IQCM: variants seen among roughly 807,000 people sequenced by gnomAD.
IQCM encodes IQ motif containing M.
IQCM carries 45 observed loss-of-function variants against 57.6 expected under a neutral mutation model. The observed-to-expected ratio is 0.78, with a 90% confidence interval of 0.62 to 1.00. The LOEUF (loss-of-function observed/expected upper bound fraction) is 1.00. Among genes scored for constraint, IQCM ranks in the 50% least tolerant of loss-of-function variants. IQCM has a pLI of 0.00. For synonymous variants in IQCM, 148 were observed against 158.9 expected (o/e 0.93, Z 0.51); for missense variants, 468 against 511.6 (o/e 0.91, Z 0.82).
intron 5 of IQCM, among the ~76,000 whole-genome samples, chr4:149,728,468 T>C (rs1766159917): frequency 6.6e-6 from 1 of 152,216 alleles, no homozygotes; most frequent in Admixed American, 6.5e-5. Context: ...CTTTGTATAT[T>C]TACTGAATAT....
intron 13 of IQCM, among the ~76,000 whole-genome samples, chr4:149,358,418 T>C (rs1054999325): frequency 2.0e-5 from 3 of 152,226 alleles, no homozygotes; most frequent in Admixed American, 6.5e-5. Flanking sequence ...CTGCTTTGAA[T>C]GTGTCCCATA....
At chr4:149,452,233 CA>C (rs999079254) in intron 12 of IQCM, among the ~76,000 whole-genome samples, 1 of 151,320 alleles carries the variant, frequency 6.6e-6, no homozygotes, top group Non-Finnish European at 1.5e-5. Flanking sequence ...ATACATTTAT[CA>C]AAATACTCAA....
intron 5 of IQCM, among the ~76,000 whole-genome samples, chr4:149,688,745 T>C (rs773902778): frequency 6.6e-6 from 1 of 151,892 alleles, no homozygotes; most frequent in Non-Finnish European, 1.5e-5. Flanking sequence ...GGTACTGGTA[T>C]AAAAATAGGC....
intron 11 of IQCM, among the ~76,000 whole-genome samples, chr4:149,549,965 CTATT>C (rs1381044404): frequency 2.0e-5 from 3 of 152,200 alleles, no homozygotes; most frequent in African/African-American, 7.2e-5. Context: ...GTATTTATGG[CTATT>C]TGTCTCTTTT....
rs1428700825 is a variant in IQCM, at chr4:149,404,169, A to G, written c.1390+29227T>C. ...CACATGTTCTTCGATACACCTTGCA[A>G]CATTGTTCAGATTCACTCAGGTATG... On this transcript the variant is annotated intron_variant, in intron 13 of 13. Coordinates refer to ENST00000636793, the MANE Select transcript of IQCM (RefSeq NM_001363507.2). 1.1e-4 allele frequency among the ~76,000 whole-genome samples: 17 copies of G among 152,044 alleles called. 1 individual carries two copies. The highest frequency in any genetic ancestry group is 1.1e-3 in the Admixed American group (16 of 15,226).
At chr4:149,529,993 C>A (rs1746570764) in intron 12 of IQCM, among the ~76,000 whole-genome samples, 1 of 152,190 alleles carries the variant, frequency 6.6e-6, no homozygotes, top group African/African-American at 2.4e-5. Flanking sequence ...TCCAGCTACA[C>A]TGGCTTTCTT....
chr4:149,541,947 C>A (rs1489078703), intron 12 of IQCM, among the ~76,000 whole-genome samples: 1 of 152,046 alleles, frequency 6.6e-6, no homozygotes, highest in Non-Finnish European at 1.5e-5. Flanking sequence ...TCAAAGAAGT[C>A]AGTATGAATG....
At chr4:149,353,267 C>CA (rs976638920) in intron 13 of IQCM, among the ~76,000 whole-genome samples, 1 of 152,082 alleles carries the variant, frequency 6.6e-6, no homozygotes, top group African/African-American at 2.4e-5. Flanking sequence ...TGGCTATTAT[C>CA]AAAAAGTCTA....
At chr4:149,641,380 A>T (rs541529053) in intron 7 of IQCM, among the ~76,000 whole-genome samples, 153 of 152,308 alleles carry the variant, frequency 1.0e-3, no homozygotes, top group Middle Eastern at 6.8e-3. Flanking sequence ...AACACTGAAA[A>T]TGAAGAAAAA....
chr4:149,379,398 T>C (rs1191765505), intron 13 of IQCM, among the ~76,000 whole-genome samples: 1 of 152,120 alleles, frequency 6.6e-6, no homozygotes, highest in Non-Finnish European at 1.5e-5. Flanking sequence ...AGAGAGGCTG[T>C]ACCCCACAAA....
In IQCM at chr4:149,440,926, G is replaced by A. The variant is rs116148662; in HGVS notation, c.1229-7369C>T. Among the ~76,000 whole-genome samples the A allele has an allele frequency of 1.7e-3, 257 of 151,898 alleles. 1 individual carries two copies. The highest frequency in any genetic ancestry group is 8.5e-3 in the East Asian group (44 of 5,162). On this transcript the variant is annotated intron_variant, in intron 12 of 13. Coordinates refer to ENST00000636793, the MANE Select transcript of IQCM (RefSeq NM_001363507.2). ...GTTAAGATTATTTTAAATTCTTTCCGAAACATGATTGGATACAAATCAATT... is the reference window on the plus strand; with the variant it reads ...GTTAAGATTATTTTAAATTCTTTCCAAAACATGATTGGATACAAATCAATT...
At position 149,657,955 on chromosome 4, in the gene IQCM, T is replaced by A. The variant is rs573582177; in HGVS notation, c.565+24163A>T. Among the ~76,000 whole-genome samples, 3 of 152,092 alleles carry A rather than the reference T, an allele frequency of 2.0e-5. No homozygotes were observed. In the East Asian group the frequency reaches 5.8e-4, roughly 29 times the overall value. On this transcript the variant is annotated intron_variant, in intron 7 of 13. Transcript: ENST00000636793. ...TCTCCCATTCTGTAGGTTGTCTCTT[T>A]ATGCTATTATTTTGTTTGTTTTGGA...
chr4:149,434,696 A>C (rs1735185334), intron 12 of IQCM, among the ~76,000 whole-genome samples: 1 of 152,038 alleles, frequency 6.6e-6, no homozygotes, highest in Non-Finnish European at 1.5e-5. Flanking sequence ...TGAGGCTAGA[A>C]CACTTCTTCC....
intron 7 of IQCM, among the ~76,000 whole-genome samples, chr4:149,625,317 G>C (rs1756699580): frequency 6.6e-6 from 1 of 152,104 alleles, no homozygotes; most frequent in African/African-American, 2.4e-5. Flanking sequence ...ATAATAAGTT[G>C]TTTCCAAAAG....
At chr4:149,412,671 G>C (rs1426480847) in intron 13 of IQCM, among the ~76,000 whole-genome samples, 3 of 152,168 alleles carry the variant, frequency 2.0e-5, no homozygotes, top group African/African-American at 7.2e-5. Flanking sequence ...GATATGTATA[G>C]ATCTAAATCA....
At chr4:149,429,883 AAG>A in intron 13 of IQCM, 1 of 756,330 alleles carries the variant, frequency 1.3e-6, no homozygotes. Flanking sequence ...AATCAGCAAA[AAG>A]CTTGGAAGAC....
chr4:149,762,622 C>T (rs535687853), intron 2 of IQCM, among the ~76,000 whole-genome samples: 5 of 152,026 alleles, frequency 3.3e-5, no homozygotes, highest in South Asian at 2.1e-4. Context: ...CTCTATAAGA[C>T]AATCAATGCC....
intron 2 of IQCM, among the ~76,000 whole-genome samples, chr4:149,765,507 T>C (rs995996299): frequency 6.6e-6 from 1 of 152,082 alleles, no homozygotes; most frequent in Non-Finnish European, 1.5e-5. Flanking sequence ...ACAGAAATTA[T>C]AGTTTCACTT....
chr4:149,537,865 G>C (rs1747456995), intron 12 of IQCM, among the ~76,000 whole-genome samples: 1 of 151,548 alleles, frequency 6.6e-6, no homozygotes, highest in Non-Finnish European at 1.5e-5. Context: ...TCTATATCCA[G>C]CAAAAATATT....
Sources: gnomAD v4.1 joint callset for allele counts (sites outside exome capture counted in the v4.1 genomes callset) on GRCh38, gnomAD v4.1.1 for gene constraint, MANE v1.5 for transcripts, NCBI Gene and HGNC (gene_info 2026-07-23, HGNC 2026-07-21) for gene names.